Variants in SHANK2 observed in about 807,000 individuals in gnomAD.
The protein encoded by SHANK2 is SH3 and multiple ankyrin repeat domains protein 2.
SHANK2 carries 43 observed loss-of-function variants against 133.7 expected under a neutral mutation model. The observed-to-expected ratio is 0.32, with a 90% CI of 0.25 to 0.41. The LOEUF (loss-of-function observed/expected upper bound fraction) is 0.41. Among genes scored for constraint, SHANK2 ranks in the 10% least tolerant of loss-of-function variants. SHANK2 has a pLI of 1.00. For missense variants in SHANK2, 1,994 were observed against 2,235.8 expected, an observed-to-expected ratio of 0.89 and a Z score of 2.18; for synonymous variants, 1,017 against 952.8, an observed-to-expected ratio of 1.07 and a Z score of -1.24.
intron 17 of SHANK2, among the ~76,000 whole-genome samples, chr11:70,639,013 C>CAA (rs201211059): frequency 7.3e-6 from 1 of 136,326 alleles, no homozygotes; most frequent in East Asian, 2.0e-4. Context: ...AACAAAAAAA[C>CAA]AAAAAAAAAA....
chr11:70,846,680 G>C (rs1195106656), intron 11 of SHANK2, among the ~76,000 whole-genome samples: 6 of 152,192 alleles, frequency 3.9e-5, no homozygotes, highest in African/African-American at 1.4e-4. Context: ...CAGCACAGAA[G>C]GCAGCGTCAT....
intron 10 of SHANK2, among the ~76,000 whole-genome samples, chr11:70,922,992 T>C (rs1032039813): frequency 1.3e-5 from 2 of 152,122 alleles, no homozygotes; most frequent in Non-Finnish European, 2.9e-5. Context: ...TAACTTACGA[T>C]TAATGAGTTA....
intron 17 of SHANK2, among the ~76,000 whole-genome samples, chr11:70,588,364 T>C (rs79244506): frequency 0.015 from 2,269 of 152,304 alleles, 60 homozygotes; most frequent in East Asian, 0.11. Flanking sequence ...AAAGCTGAGA[T>C]AGGCTGAAAG....
At chr11:70,806,942 G>C in intron 13 of SHANK2, 60 bp downstream of exon 13, 1 of 676,430 alleles carries the variant, frequency 1.5e-6, no homozygotes, top group Admixed American at 2.4e-5. Flanking sequence ...ACAGCAGGCC[G>C]GGTGAAGGGC....
chr11:71,206,262 G>A (rs566985062), intron 2 of SHANK2, among the ~76,000 whole-genome samples: 2 of 152,286 alleles, frequency 1.3e-5, no homozygotes, highest in East Asian at 1.9e-4. Context: ...CTGGAACAAC[G>A]CCTGCACGTG....
chr11:70,814,151 C>T (rs1356579357), intron 12 of SHANK2, among the ~76,000 whole-genome samples: 1 of 152,146 alleles, frequency 6.6e-6, no homozygotes, highest in Non-Finnish European at 1.5e-5. Context: ...TGGCGCAACC[C>T]CATCTCTACT....
At chr11:70,791,066 A>T (rs544362295) in intron 14 of SHANK2, among the ~76,000 whole-genome samples, 2,569 of 152,318 alleles carry the variant, frequency 0.017, 62 homozygotes, top group African/African-American at 0.059. Flanking sequence ...CAGGAAAAAA[A>T]CCTGCACTCC....
At chr11:71,155,080 G>A (rs1343497894) in intron 2 of SHANK2, among the ~76,000 whole-genome samples, 1 of 112,914 alleles carries the variant, frequency 8.9e-6, no homozygotes, top group African/African-American at 3.4e-5. Flanking sequence ...CGCTCCCGGA[G>A]GAGGGGTGGA....
chr11:70,819,734 T>C (rs1237275356), intron 12 of SHANK2, among the ~76,000 whole-genome samples: 2 of 152,230 alleles, frequency 1.3e-5, no homozygotes, highest in African/African-American at 2.4e-5. Flanking sequence ...CTTCAGAGAC[T>C]GACAGACATG....
chr11:70,822,329 G>A (rs1948541377), intron 11 of SHANK2, among the ~76,000 whole-genome samples: 1 of 152,234 alleles, frequency 6.6e-6, no homozygotes. Context: ...ATTGGGTCTG[G>A]GGGAACCTTC....
rs546622747 is a variant in SHANK2, at chr11:70,776,922, T to G, written c.1777+21521A>C. ...TCACCCATCCTCCCATCTACCCACC[T>G]AACTATTCATTTAGACATCCATCCA... On this transcript the variant is annotated intron_variant, in intron 14 of 25. Transcript: ENST00000601538. Among the ~76,000 whole-genome samples, 6 of 133,758 alleles carry G rather than the reference T, an allele frequency of 4.5e-5. No homozygotes were observed. The South Asian group carries it at 1.1e-3, about 25-fold the overall frequency. The allele number at this position is 133,758 out of a possible 152,430, so 87.8% of individuals were successfully genotyped here. A position where few individuals can be genotyped will look rare whatever the true frequency, so the allele number is the denominator to read the frequency against.
At chr11:71,145,508 C>T (rs1952626715) in intron 3 of SHANK2, among the ~76,000 whole-genome samples, 1 of 152,192 alleles carries the variant, frequency 6.6e-6, no homozygotes, top group African/African-American at 2.4e-5. Context: ...GCCCAGTTAG[C>T]GTCTCTCTCA....
At chr11:70,845,198 C>CAA (rs782471301) in intron 11 of SHANK2, among the ~76,000 whole-genome samples, 2,043 of 51,270 alleles carry the variant, frequency 0.04, 78 homozygotes, top group East Asian at 0.12. Flanking sequence ...GACTCTGTCT[C>CAA]AAAAAAAAAA....
At chr11:70,847,472 A>C (rs1237430226) in intron 11 of SHANK2, among the ~76,000 whole-genome samples, 3 of 152,210 alleles carry the variant, frequency 2.0e-5, no homozygotes, top group Non-Finnish European at 2.9e-5. Context: ...CGTTAAAAAT[A>C]GGGGGAAATG....
intron 8 of SHANK2, among the ~76,000 whole-genome samples, chr11:71,084,217 C>T (rs1951346375): frequency 2.0e-5 from 3 of 152,138 alleles, no homozygotes; most frequent in African/African-American, 4.8e-5. Flanking sequence ...GTGATCTGCC[C>T]GCCTTGGTCT....
intron 23 of SHANK2, chr11:70,489,965 G>A (rs868996149): frequency 4.7e-5 from 13 of 279,454 alleles, no homozygotes; most frequent in African/African-American, 2.6e-4. Flanking sequence ...GGGTTGGCTC[G>A]CACCACCCCG....
intron 10 of SHANK2, among the ~76,000 whole-genome samples, chr11:70,946,227 C>CA (rs1950730169): frequency 2.3e-5 from 3 of 131,974 alleles, no homozygotes; most frequent in African/African-American, 6.0e-5. Context: ...CTTCCCCAAG[C>CA]TCAACCTCCC....
At chr11:71,118,389 G>T (rs1952019972) in intron 4 of SHANK2, among the ~76,000 whole-genome samples, 2 of 152,164 alleles carry the variant, frequency 1.3e-5, no homozygotes, top group Non-Finnish European at 2.9e-5. Flanking sequence ...CCATATGGCT[G>T]CGGAGGCCTC....
At chr11:70,879,335 C>T (rs1329622645) in intron 11 of SHANK2, among the ~76,000 whole-genome samples, 1 of 152,240 alleles carries the variant, frequency 6.6e-6, no homozygotes, top group Non-Finnish European at 1.5e-5. Context: ...TTTAATTCTA[C>T]CCAGCATATT....
Sources: allele counts gnomAD v4.1 joint callset (sites outside exome capture counted in the v4.1 genomes callset), GRCh38; gene constraint gnomAD v4.1.1; transcripts MANE v1.5; gene names NCBI Gene and HGNC (gene_info 2026-07-23, HGNC 2026-07-21).